The following PGCKA1 variants were observed in gnomAD, a reference collection of about 807,000 sequenced individuals.
PGCKA1 encodes PDCD10 and GCKIII kinases-associated protein 1.
chr4:37,459,295 A>G, the PGCKA1 span, among the ~76,000 whole-genome samples: 1 of 152,230 alleles, frequency 6.6e-6, no homozygotes, highest in East Asian at 1.9e-4. Flanking sequence ...TTCCAAGTAA[A>G]GAGAAGTAAG....
chr4:37,584,657 G>A, the PGCKA1 span, among the ~76,000 whole-genome samples: 2 of 152,096 alleles, frequency 1.3e-5, no homozygotes, highest in Non-Finnish European at 2.9e-5. Context: ...CACTTCATTC[G>A]GTGCAGGCTG....
the PGCKA1 span, among the ~76,000 whole-genome samples, chr4:37,465,869 G>A: frequency 1.3e-5 from 2 of 152,110 alleles, no homozygotes; most frequent in Non-Finnish European, 2.9e-5. Flanking sequence ...TATCTTCATG[G>A]AAAGTTCATG....
At chr4:37,460,888 ATT>A in the PGCKA1 span, 2 of 399,394 alleles carry the variant, frequency 5.0e-6, no homozygotes, top group Non-Finnish European at 9.6e-6. Context: ...ATTTTTGACG[ATT>A]TCATCATAAA....
At chr4:37,556,025 C>T in the PGCKA1 span, among the ~76,000 whole-genome samples, 1 of 152,150 alleles carries the variant, frequency 6.6e-6, no homozygotes, top group Non-Finnish European at 1.5e-5. Flanking sequence ...ATTCTTTCCA[C>T]GTTTCATTAA....
the PGCKA1 span, among the ~76,000 whole-genome samples, chr4:37,562,359 T>C: frequency 6.6e-6 from 1 of 152,240 alleles, no homozygotes; most frequent in Admixed American, 6.5e-5. Context: ...ATCTTCATTA[T>C]TGCATGCTAC....
the PGCKA1 span, among the ~76,000 whole-genome samples, chr4:37,511,606 C>T: frequency 2.0e-5 from 3 of 152,140 alleles, no homozygotes; most frequent in Non-Finnish European, 2.9e-5. Flanking sequence ...TCTTCCCTCT[C>T]TTCTCCTCAA....
the PGCKA1 span, among the ~76,000 whole-genome samples, chr4:37,459,464 C>A: frequency 6.6e-6 from 1 of 152,174 alleles, no homozygotes; most frequent in African/African-American, 2.4e-5. Context: ...AAGTTATTTG[C>A]CCTTAGTCAC....
the PGCKA1 span, chr4:37,557,924 T>C: frequency 6.6e-6 from 1 of 152,290 alleles, no homozygotes; most frequent in South Asian, 2.1e-4. Flanking sequence ...TACTGCCCAG[T>C]GCCCTTTAGG....
the PGCKA1 span, chr4:37,590,980 G>T: frequency 2.5e-6 from 4 of 1,612,098 alleles, no homozygotes; most frequent in Non-Finnish European, 3.4e-6. Flanking sequence ...TGCAGGAGAA[G>T]ATTTGGATGA....
chr4:37,495,273 A>C, the PGCKA1 span, among the ~76,000 whole-genome samples: 24 of 152,316 alleles, frequency 1.6e-4, no homozygotes, highest in South Asian at 4.4e-3. Flanking sequence ...GAACACTTTT[A>C]CACTGTTGGT....
At chr4:37,492,301 G>C in the PGCKA1 span, among the ~76,000 whole-genome samples, 1 of 152,136 alleles carries the variant, frequency 6.6e-6, no homozygotes, top group African/African-American at 2.4e-5. The surrounding 1 kb of genome is among the most constrained non-coding windows in gnomAD (Gnocchi z 4.7). Flanking sequence ...AGTCATTGGC[G>C]TTCTGCTCAT....
At chr4:37,540,638 T>C in the PGCKA1 span, among the ~76,000 whole-genome samples, 1 of 152,240 alleles carries the variant, frequency 6.6e-6, no homozygotes, top group African/African-American at 2.4e-5. Context: ...AGCCCCTGTG[T>C]GAGGACACAG....
chr4:37,553,034 A>G, the PGCKA1 span, among the ~76,000 whole-genome samples: 1 of 137,100 alleles, frequency 7.3e-6, no homozygotes, highest in African/African-American at 2.7e-5. Flanking sequence ...TCATGGCCTC[A>G]TTTTTCCATA....
chr4:37,588,782 CAAACTT>C, the PGCKA1 span: 32 of 1,236,174 alleles, frequency 2.6e-5, no homozygotes, highest in Middle Eastern at 3.8e-4. Context: ...AAAAAAAAGG[CAAACTT>C]AATTCCTACT....
At chr4:37,526,080 G>C in the PGCKA1 span, among the ~76,000 whole-genome samples, 2 of 152,166 alleles carry the variant, frequency 1.3e-5, no homozygotes, top group African/African-American at 4.8e-5. Flanking sequence ...TCAAAGCAAA[G>C]GACACAAGCA....
chr4:37,571,068 G>C, the PGCKA1 span, among the ~76,000 whole-genome samples: 12 of 152,162 alleles, frequency 7.9e-5, no homozygotes. Flanking sequence ...TAAATAGTAA[G>C]AATGAAGTGC....
the PGCKA1 span, among the ~76,000 whole-genome samples, chr4:37,481,308 T>C: frequency 6.8e-6 from 1 of 147,882 alleles, no homozygotes; most frequent in Non-Finnish European, 1.5e-5. Context: ...AAAAAAAAAA[T>C]ACAAACCTTA....
the PGCKA1 span, among the ~76,000 whole-genome samples, chr4:37,535,533 A>T: frequency 6.6e-6 from 1 of 152,204 alleles, no homozygotes; most frequent in Non-Finnish European, 1.5e-5. Context: ...TTAAGTAGAC[A>T]GCTTCCAGAG....
At chr4:37,485,474 G>A in the PGCKA1 span, among the ~76,000 whole-genome samples, 3 of 152,080 alleles carry the variant, frequency 2.0e-5, no homozygotes, top group South Asian at 4.2e-4. Flanking sequence ...CTTCCCCCAT[G>A]GAATGACACA....
Sources: allele counts gnomAD v4.1 joint callset (sites outside exome capture counted in the v4.1 genomes callset), GRCh38; gene constraint gnomAD v4.1.1; non-coding constraint Gnocchi (gnomAD v3.1); transcripts MANE v1.5; gene names NCBI Gene and HGNC (gene_info 2026-07-23, HGNC 2026-07-21).